The following TRDMT1 variants were observed in gnomAD, a reference collection of about 807,000 sequenced individuals.
The protein encoded by TRDMT1 is tRNA aspartic acid methyltransferase 1, also known as tRNA (cytosine(38)-C(5))-methyltransferase.
In TRDMT1, 49 loss-of-function variants were observed where a neutral mutation model predicts 51.2. The observed-to-expected ratio is 0.96, with a 90% CI of 0.76 to 1.21. The LOEUF is 1.21. Ranked by LOEUF, TRDMT1 falls within the 50% of genes most tolerant of loss-of-function variation. The pLI is 0.00. For missense variants in TRDMT1, 534 were observed against 462.3 expected (o/e 1.16, Z -1.42); for synonymous variants, 187 against 164.6 (o/e 1.14, Z -1.04).
intron 10 of TRDMT1, chr10:17,150,773 T>C: frequency 2.0e-6 from 2 of 985,058 alleles, no homozygotes; most frequent in Non-Finnish European, 2.4e-6. Context: ...GCAATTACTG[T>C]TGCAATTAAA....
chr10:17,182,367 T>G (rs1843379240), intron 1 of TRDMT1, among the ~76,000 whole-genome samples: 1 of 152,188 alleles, frequency 6.6e-6, no homozygotes. Context: ...GAGTTACAAC[T>G]TTTAGGAAAC....
At chr10:17,163,031 G>A (rs372165802) in intron 3 of TRDMT1, among the ~76,000 whole-genome samples, 4 of 152,176 alleles carry the variant, frequency 2.6e-5, no homozygotes, top group South Asian at 2.1e-4. Flanking sequence ...GTAGCAACCC[G>A]AAGCTAATGG....
Position 17,174,620 on chromosome 10 carries a change from G to C in TRDMT1, c.105C>G (p.Val35=). 6.2e-7 allele frequency: 1 copy of C among 1,614,038 alleles called. No individual in the cohort carries two copies. The highest frequency in any genetic ancestry group is 8.5e-7 in the Non-Finnish European group (1 of 1,179,960). ...IPAQVVAAID[V]NTVANEVYKY... Reference sequence around the variant, plus strand: ...TGTATACTTCATTAGCGACAGTGTTGACATCAATGGCAGCCACCACTTGTG... The same window carrying C: ...TGTATACTTCATTAGCGACAGTGTTCACATCAATGGCAGCCACCACTTGTG... Residue 35 remains valine (V), a synonymous_variant, in exon 2 of 11, where the codon GTC becomes GTG. Coordinates refer to ENST00000377799, the MANE Select transcript of TRDMT1 (RefSeq NM_004412.7).
chr10:17,155,402 C>T (rs1224782997), intron 8 of TRDMT1, among the ~76,000 whole-genome samples: 3 of 152,084 alleles, frequency 2.0e-5, no homozygotes, highest in Non-Finnish European at 4.4e-5. Flanking sequence ...GCTCCCTTGC[C>T]ACATTAACCT....
chr10:17,173,221 A>C (rs1842250075), intron 2 of TRDMT1, among the ~76,000 whole-genome samples: 2 of 152,212 alleles, frequency 1.3e-5, no homozygotes, highest in Non-Finnish European at 2.9e-5. Context: ...AGATCCACAC[A>C]GATTTGTACA....
chr10:17,191,431 C>T (rs143718228), intron 1 of TRDMT1, among the ~76,000 whole-genome samples: 3 of 152,326 alleles, frequency 2.0e-5, no homozygotes, highest in African/African-American at 7.2e-5. Context: ...TCAGGCCAAG[C>T]TTAGCTGCAG....
chr10:17,197,459 C>G (rs150402441), intron 1 of TRDMT1, among the ~76,000 whole-genome samples: 1 of 152,240 alleles, frequency 6.6e-6, no homozygotes, highest in Non-Finnish European at 1.5e-5. Context: ...ACTGGATATG[C>G]TGATAAGGAT....
Position 17,201,586 on chromosome 10 carries a change from G to T in TRDMT1, c.49C>A (p.His17Asn). 1 of 1,549,458 alleles carries T rather than the reference G, an allele frequency of 6.5e-7. No individual in the cohort carries two copies. Among genetic ancestry groups the T allele is most frequent in the South Asian group, 1.2e-5 (1 of 83,888 alleles). Residue 17 changes from histidine (H) to asparagine (N), a missense_variant, in exon 1 of 11, where the codon CAC becomes AAC. Coordinates refer to ENST00000377799, the MANE Select transcript of TRDMT1 (RefSeq NM_004412.7). ...LELYSGVGGM[H>N]HALRESCIPA... ...GGACTCTCACCTCTCAGCGCGTGGT[G>T]CATGCCGCCCACGCCGCTGTATAGC...
chr10:17,162,128 A>G (rs1840446860), intron 4 of TRDMT1, 38 bp downstream of exon 4: 1 of 1,554,770 alleles, frequency 6.4e-7, no homozygotes, highest in Non-Finnish European at 8.8e-7. Flanking sequence ...TGGAGTTTCA[A>G]ATGAAAGGTA....
chr10:17,155,724 A>G (rs1056925336), intron 8 of TRDMT1, among the ~76,000 whole-genome samples: 3 of 152,216 alleles, frequency 2.0e-5, no homozygotes, highest in African/African-American at 7.2e-5. Flanking sequence ...TCACAAAGAA[A>G]ACAGTTTAAA....
At chr10:17,176,209 C>G (rs2131529235) in intron 1 of TRDMT1, among the ~76,000 whole-genome samples, 1 of 152,260 alleles carries the variant, frequency 6.6e-6, no homozygotes, top group East Asian at 1.9e-4. Context: ...ATTAAATAAA[C>G]TTCATTGTAC....
At chr10:17,157,849 G>A (rs530154197) in intron 7 of TRDMT1, 65 bp from the exon 8 acceptor site, 3 of 1,278,636 alleles carry the variant, frequency 2.3e-6, no homozygotes, top group Non-Finnish European at 2.1e-6. Context: ...AATTAACAAT[G>A]TCCAGTCAAC....
chr10:17,167,871 C>G (rs1841421950), intron 3 of TRDMT1, among the ~76,000 whole-genome samples: 1 of 152,048 alleles, frequency 6.6e-6, no homozygotes, highest in Non-Finnish European at 1.5e-5. Context: ...AATTAAGGTA[C>G]TTTGGGCTGG....
chr10:17,183,916 G>C (rs913245922), intron 1 of TRDMT1, among the ~76,000 whole-genome samples: 3 of 151,980 alleles, frequency 2.0e-5, no homozygotes, highest in Non-Finnish European at 4.4e-5. Context: ...ATACACACCA[G>C]TAAACAATTA....
At chr10:17,154,617 G>C (rs368057422) in intron 9 of TRDMT1, 60 bp downstream of exon 9, 92 of 1,363,816 alleles carry the variant, frequency 6.7e-5, no homozygotes, top group Non-Finnish European at 8.6e-5. Context: ...TGTTCTCAAA[G>C]TATTAAACAA....
At position 17,169,245 on chromosome 10, in the gene TRDMT1, A is replaced by G. The variant is rs191316487; in HGVS notation, c.175-328T>C. 3.0e-4 allele frequency: 266 copies of G among 890,444 alleles called. 4 individuals are homozygous for G. In the Admixed American group the frequency reaches 0.01, roughly 34 times the overall value. The allele number at this position is 890,444 out of a possible 1,614,324, so 55.2% of individuals were successfully genotyped here. A position where few individuals can be genotyped will look rare whatever the true frequency, so the allele number is the denominator to read the frequency against. On this transcript the variant is annotated intron_variant, in intron 2 of 10. Transcript: ENST00000377799. Reference sequence around the variant, plus strand: ...TGCTGTTTTCTAGAGTAAAACGTGGAGAACCTTATTTTATAATTGATAACG... The same window carrying G: ...TGCTGTTTTCTAGAGTAAAACGTGGGGAACCTTATTTTATAATTGATAACG...
chr10:17,201,500 C>T, intron 1 of TRDMT1, 71 bp downstream of exon 1: 2 of 1,488,684 alleles, frequency 1.3e-6, no homozygotes, highest in South Asian at 2.5e-5. Flanking sequence ...CCGCTCCGCC[C>T]CTTCCCGGCG....
chr10:17,137,527 A>G lies in TRDMT1; in HGVS notation c.*11513T>C, dbSNP rs1240129367. 6.6e-6 allele frequency: 1 copy of G among 152,212 alleles called. No homozygotes were observed. Among genetic ancestry groups the G allele is most frequent in the Non-Finnish European group, 1.5e-5 (1 of 68,084 alleles). 9.4% of individuals were successfully genotyped at this position (152,212 alleles called of 1,614,324 possible). ...AAGATGTCCAAGGCCCAGTATGGGC[A>G]CACTATAGAAAGTGGTTCCACTGGC... On this transcript the variant is annotated 3_prime_UTR_variant, in exon 11 of 11. Transcript: ENST00000377799.
intron 1 of TRDMT1, among the ~76,000 whole-genome samples, chr10:17,197,982 T>G (rs1351421667): frequency 2.6e-5 from 4 of 151,168 alleles, no homozygotes; most frequent in African/African-American, 4.9e-5. Flanking sequence ...TGCAGTGAAC[T>G]GAGATCGCGC....
Sources: allele counts gnomAD v4.1 joint callset (sites outside exome capture counted in the v4.1 genomes callset), GRCh38; gene constraint gnomAD v4.1.1; transcripts MANE v1.5; gene names NCBI Gene and HGNC (gene_info 2026-07-23, HGNC 2026-07-21).